Variants in PRTG observed in about 807,000 individuals in gnomAD.
PRTG encodes the protein immunoglobulin superfamily, DCC subclass, member 5.
Under a neutral mutation model 122.5 loss-of-function variants are expected in PRTG, and 67 were observed. The observed-to-expected ratio is 0.55, with a 90% CI of 0.45 to 0.67. PRTG has a LOEUF of 0.67. Ranked by LOEUF, PRTG falls within the 30% of genes least tolerant of loss-of-function variation. The probability of loss-of-function intolerance (pLI) is 0.00; values close to 1 mark genes in which losing one functional copy is unlikely to be tolerated. For synonymous variants in PRTG, 554 were observed against 501.1 expected, an observed-to-expected ratio of 1.11 and a Z score of -1.41; for missense variants, 1,435 against 1,415.4, an observed-to-expected ratio of 1.01 and a Z score of -0.22.
chr15:55,664,132 G>T (rs1276842129), intron 11 of PRTG, among the ~76,000 whole-genome samples: 1 of 151,880 alleles, frequency 6.6e-6, no homozygotes, highest in Non-Finnish European at 1.5e-5. Flanking sequence ...GTTTTGGCGG[G>T]GTGGGAGGTG....
chr15:55,660,315 T>C (rs955023369), intron 11 of PRTG, among the ~76,000 whole-genome samples: 2 of 152,148 alleles, frequency 1.3e-5, no homozygotes, highest in Non-Finnish European at 2.9e-5. Flanking sequence ...AAATGTTTTT[T>C]TTCTGTCCAC....
chr15:55,645,775 T>C (rs1165395906), intron 11 of PRTG, among the ~76,000 whole-genome samples: 2 of 152,110 alleles, frequency 1.3e-5, no homozygotes, highest in African/African-American at 2.4e-5. Flanking sequence ...TCAGCCCTTC[T>C]TGTGTTAAGC....
chr15:55,681,154 G>T (rs1953614856), intron 4 of PRTG, among the ~76,000 whole-genome samples: 1 of 151,952 alleles, frequency 6.6e-6, no homozygotes, highest in Admixed American at 6.6e-5. Context: ...TCAGTTGATG[G>T]ACATTCAGGT....
At chr15:55,638,349 T>C (rs2059269613) in intron 14 of PRTG, among the ~76,000 whole-genome samples, 200 bp downstream of exon 14, 1 of 152,018 alleles carries the variant, frequency 6.6e-6, no homozygotes, top group Non-Finnish European at 1.5e-5. Context: ...GCTTGCACAA[T>C]ACACACACTG....
At chr15:55,682,535 G>C in intron 3 of PRTG, 38 bp from the exon 4 acceptor site, 1 of 810,492 alleles carries the variant, frequency 1.2e-6, no homozygotes, top group Non-Finnish European at 1.7e-6. Context: ...TTTTGTAGTA[G>C]ATTTCATATT....
intron 2 of PRTG, among the ~76,000 whole-genome samples, chr15:55,727,743 C>T (rs555324732): frequency 6.6e-6 from 1 of 152,210 alleles, no homozygotes; most frequent in Non-Finnish European, 1.5e-5. Flanking sequence ...TTGCAGTGAG[C>T]CAAGATGGCG....
intron 11 of PRTG, among the ~76,000 whole-genome samples, chr15:55,643,486 T>C (rs1035950017): frequency 1.3e-5 from 2 of 150,790 alleles, no homozygotes; most frequent in African/African-American, 2.4e-5. Context: ...CAGGCTGGAG[T>C]GCAGTGATGC....
chr15:55,660,465 A>AATGATAATG (rs2059404091), intron 11 of PRTG, among the ~76,000 whole-genome samples: 1 of 152,192 alleles, frequency 6.6e-6, no homozygotes. Flanking sequence ...CTGAGGGCTG[A>AATGATAATG]CGTGCAGTAT....
rs369449062 is a variant in PRTG at position 55,693,251 on chromosome 15, G to A, written c.398-9320C>T. The stretch of plus-strand genomic sequence containing the variant: ...GTGGGCAGATCACCTGAGATCGGGT[G>A]GTCGGGACTGGCCTGACCAACAAGG... On this transcript the variant is annotated intron_variant, in intron 2 of 19. Coordinates refer to ENST00000389286, the MANE Select transcript of PRTG (RefSeq NM_173814.6). Among the ~76,000 whole-genome samples the A allele has an allele frequency of 7.2e-5, 11 of 152,262 alleles. No homozygotes were observed. In the East Asian group the frequency reaches 1.4e-3, roughly 19 times the overall value.
chr15:55,681,924 T>C (rs1274221038), intron 4 of PRTG, among the ~76,000 whole-genome samples: 1 of 152,146 alleles, frequency 6.6e-6, no homozygotes, highest in Admixed American at 6.6e-5. Flanking sequence ...TTGAAAATAT[T>C]TTTTTAAAAA....
chr15:55,742,676 T>C (rs1300504555), intron 1 of PRTG, 162 bp downstream of exon 1: 60 of 830,128 alleles, frequency 7.2e-5, no homozygotes, highest in Non-Finnish European at 9.8e-5. Flanking sequence ...CAGCTGGCGG[T>C]TCCGGACAGG....
intron 11 of PRTG, among the ~76,000 whole-genome samples, chr15:55,656,738 G>A (rs28584256): frequency 0.011 from 1,711 of 152,352 alleles, 40 homozygotes; most frequent in African/African-American, 0.039. Context: ...TCGATCTCCT[G>A]ACCTCATGAT....
Position 55,659,927 on chromosome 15 carries a change from A to AAAAACAAAACAAAACAAAACAAAAC in PRTG, c.2041+12493_2041+12517dup, listed in dbSNP as rs56025011. On this transcript the variant is annotated intron_variant, in intron 11 of 19. Transcript: ENST00000389286. ...GAGACAGACTTCAAAAAAAAGTCTC[A>AAAAACAAAACAAAACAAAACAAAAC]AAAACAAAACAAAACAAAACAAAAC... 3.9e-3 allele frequency among the ~76,000 whole-genome samples: 581 copies of AAAAACAAAACAAAACAAAACAAAAC among 150,180 alleles called. 6 individuals carry two copies. The highest frequency in any genetic ancestry group is 0.013 in the African/African-American group (546 of 40,644).
intron 2 of PRTG, among the ~76,000 whole-genome samples, chr15:55,713,946 T>G (rs1448077094): frequency 1.3e-5 from 2 of 152,152 alleles, no homozygotes; most frequent in African/African-American, 4.8e-5. Flanking sequence ...TCTTCATGGG[T>G]TAGGCTTTCT....
intron 11 of PRTG, among the ~76,000 whole-genome samples, chr15:55,666,001 G>A (rs2059437361): frequency 6.6e-6 from 1 of 152,226 alleles, no homozygotes. Flanking sequence ...CTGCTTCTGT[G>A]CTGCAGTAGC....
chr15:55,643,061 A>G (rs962388136), intron 11 of PRTG, among the ~76,000 whole-genome samples: 7 of 152,078 alleles, frequency 4.6e-5, no homozygotes, highest in African/African-American at 1.7e-4. Context: ...CAACAGAACA[A>G]TGCCCCATCT....
At chr15:55,663,074 A>G (rs1263450216) in intron 11 of PRTG, among the ~76,000 whole-genome samples, 2 of 152,222 alleles carry the variant, frequency 1.3e-5, no homozygotes, top group East Asian at 3.9e-4. Context: ...TAAAAGTACC[A>G]TCCCTTAGAA....
chr15:55,615,738 C>A lies in PRTG; in HGVS notation c.*4274G>T, dbSNP rs1017841595. ...ATAACTGGAGTTTTTTTTTTACATT[C>A]AGTATTCAAAATTTACATTCAGTGA... is the stretch of plus-strand genomic sequence containing the variant. On this transcript the variant is annotated 3_prime_UTR_variant, in exon 20 of 20. Coordinates refer to ENST00000389286, the MANE Select transcript of PRTG (RefSeq NM_173814.6). 20 of 151,782 alleles carry A rather than the reference C, an allele frequency of 1.3e-4. No individual in the cohort carries two copies. Among genetic ancestry groups the A allele is most frequent in the Admixed American group, 1.0e-3 (16 of 15,252 alleles). 9.4% of individuals were successfully genotyped at this position (151,782 alleles called of 1,614,324 possible).
At chr15:55,661,419 CT>C (rs1482025764) in intron 11 of PRTG, among the ~76,000 whole-genome samples, 2 of 152,142 alleles carry the variant, frequency 1.3e-5, no homozygotes, top group African/African-American at 4.8e-5. Flanking sequence ...TCATATCCTG[CT>C]TATTTTCTCC....
Sources: allele counts gnomAD v4.1 joint callset (sites outside exome capture counted in the v4.1 genomes callset), GRCh38; gene constraint gnomAD v4.1.1; transcripts MANE v1.5; gene names NCBI Gene and HGNC (gene_info 2026-07-23, HGNC 2026-07-21).